Variants in UNC80 observed in about 807,000 individuals in gnomAD.
UNC80 encodes protein unc-80 homolog.
UNC80 carries 164 observed loss-of-function variants against 384.6 expected under a neutral mutation model. That is an observed-to-expected ratio of 0.43 (90% CI 0.38 to 0.49). The LOEUF is 0.49. Ranked by LOEUF, UNC80 falls within the 20% of genes least tolerant of loss-of-function variation. The pLI, the probability that UNC80 is intolerant of heterozygous loss-of-function variation, is 0.00. For missense variants in UNC80, 3,330 were observed against 4,143.0 expected (o/e 0.80, Z 5.39); for synonymous variants, 1,486 against 1,527.8 (o/e 0.97, Z 0.64).
intron 22 of UNC80, among the ~76,000 whole-genome samples, chr2:209,866,533 C>G (rs13382815): frequency 0.068 from 6,888 of 101,740 alleles, 309 homozygotes; most frequent in Non-Finnish European, 0.092. Context: ...CACACACACA[C>G]AGAGAGAGAG....
chr2:209,865,963 A>C (rs2083721445), intron 22 of UNC80, among the ~76,000 whole-genome samples: 1 of 152,162 alleles, frequency 6.6e-6, no homozygotes, highest in Non-Finnish European at 1.5e-5. Context: ...TTCTGGCTTA[A>C]TTGACAATCC....
chr2:209,789,783 T>C (rs2077678226), intron 6 of UNC80, among the ~76,000 whole-genome samples, 178 bp downstream of exon 6: 1 of 152,058 alleles, frequency 6.6e-6, no homozygotes. Context: ...ATTAATTTTC[T>C]GTATCTCCCC....
intron 37 of UNC80, among the ~76,000 whole-genome samples, chr2:209,930,336 G>T (rs1419308162): frequency 2.6e-5 from 4 of 152,082 alleles, no homozygotes; most frequent in Non-Finnish European, 4.4e-5. Context: ...CCAAAAACCT[G>T]ATTTGTCAGA....
Position 209,844,352 on chromosome 2 carries a change from TTTC to T in UNC80, c.3454+1912_3454+1914del, listed in dbSNP as rs1231715050. 2.0e-5 allele frequency among the ~76,000 whole-genome samples: 3 copies of T among 152,222 alleles called. No homozygotes were observed. In the East Asian group the frequency reaches 5.8e-4, roughly 29 times the overall value. ...TAGGGTCTCTCACATTTGGTGAATA[TTTC>T]TTCTTTTTTCAAAATTCCTTCCTTC... On this transcript the variant is annotated intron_variant, in intron 21 of 64. Transcript: ENST00000673920.
Position 209,941,320 on chromosome 2 carries a change from G to T in UNC80, c.6746G>T (p.Gly2249Val). 1 of 1,550,814 alleles carries T rather than the reference G, an allele frequency of 6.4e-7. No homozygotes were observed. Among genetic ancestry groups the T allele is most frequent in the Non-Finnish European group, 8.7e-7 (1 of 1,146,290 alleles). ...GGCATGCCGAGCGAGTTTCCATGGG[G>T]AGACGAAATCATGCTTTTCCTCAAC... is the stretch of plus-strand genomic sequence containing the variant. ...FLGMPSEFPW[G>V]DEIMLFLNVF... Residue 2249 changes from glycine to valine, a missense_variant, in exon 44 of 65, where the codon GGA becomes GTA. Physicochemically the swap from Gly to Val is moderately radical, Grantham distance 109 (BLOSUM62 -3). Coordinates refer to ENST00000673920, the MANE Select transcript of UNC80 (RefSeq NM_001371986.1).
At chr2:209,820,846 A>G (rs1368608257) in intron 13 of UNC80, among the ~76,000 whole-genome samples, 167 bp downstream of exon 13, 2 of 152,222 alleles carry the variant, frequency 1.3e-5, no homozygotes, top group South Asian at 4.1e-4. Context: ...ATTAGCAGAA[A>G]CAGTTGAATG....
At chr2:209,954,036 G>A (rs2092307457) in intron 47 of UNC80, 64 bp from the exon 48 acceptor site, 1 of 1,489,328 alleles carries the variant, frequency 6.7e-7, no homozygotes, top group South Asian at 1.4e-5. Context: ...ATGCTCTTAA[G>A]TGTGACACAA....
chr2:209,849,643 T>C lies in UNC80; in HGVS notation c.3627+20T>C. The stretch of plus-strand genomic sequence containing the variant: ...GATCTAGTAAGTTGGTGAAAGAATT[T>C]TCCCACCCTGCCCCCCATCCCAAGT... On this transcript the variant is annotated intron_variant, in intron 22 of 64. Transcript: ENST00000673920. The C allele has an allele frequency of 1.3e-6, 2 of 1,549,266 alleles. No homozygotes were observed. Among genetic ancestry groups the C allele is most frequent in the Middle Eastern group, 1.7e-4 (1 of 5,916 alleles).
At position 209,984,908 on chromosome 2, in the gene UNC80, T is replaced by A. The variant is rs1437602262; in HGVS notation, c.9310T>A (p.Ser3104Thr). The change falls in exon 61 of 65, where the codon TCT becomes ACT. Residue 3104 changes from serine (S) to threonine (T), a missense_variant. Around this residue, in one of 8 missense-constraint regions of UNC80, gnomAD observed 216 missense variants for 245.3 expected, o/e 0.88. Transcript: ENST00000673920. ...GGGCCTGGCCGCCGAGGGCAGCCTC[T>A]CTAGGTACAGTGTCAATGCTACCTG... ...SQGLAAEGSL[S>T]RVASIQSEPG... 1.9e-6 allele frequency: 3 copies of A among 1,551,028 alleles called. No homozygotes were observed. The highest frequency in any genetic ancestry group is 2.6e-6 in the Non-Finnish European group (3 of 1,146,728).
intron 22 of UNC80, among the ~76,000 whole-genome samples, chr2:209,849,968 T>C (rs944087436): frequency 1.3e-4 from 19 of 151,948 alleles, no homozygotes; most frequent in African/African-American, 4.6e-4. Flanking sequence ...AGATATTAGA[T>C]ATAAAGCCCT....
intron 22 of UNC80, among the ~76,000 whole-genome samples, chr2:209,851,165 T>C (rs777145159): frequency 2.8e-4 from 43 of 152,108 alleles, no homozygotes; most frequent in Non-Finnish European, 5.0e-4. Context: ...AAGAAATACC[T>C]ATTAAAATAG....
chr2:209,990,847 T>C lies in UNC80; in HGVS notation c.9315-1319T>C, dbSNP rs538201423. Among the ~76,000 whole-genome samples the C allele has an allele frequency of 7.2e-5, 11 of 152,344 alleles. No individual in the cohort carries two copies. In the East Asian group the frequency reaches 2.1e-3, roughly 29 times the overall value. On this transcript the variant is annotated intron_variant, in intron 61 of 64. Coordinates refer to ENST00000673920, the MANE Select transcript of UNC80 (RefSeq NM_001371986.1). Reference sequence around the variant, plus strand: ...AAAAAGCACCTGTTTTGGTACTCTTTATGAATTTCGTTATTGTGAACCCCA... The same window carrying C: ...AAAAAGCACCTGTTTTGGTACTCTTCATGAATTTCGTTATTGTGAACCCCA...
At chr2:209,945,738 A>G (rs1224061338) in intron 46 of UNC80, 109 bp from the exon 47 acceptor site, 3 of 647,780 alleles carry the variant, frequency 4.6e-6, no homozygotes, top group Non-Finnish European at 7.7e-6. Context: ...AAATTTAACA[A>G]GAAAAGGCTA....
At chr2:209,925,356 A>G (rs2090347335) in intron 35 of UNC80, among the ~76,000 whole-genome samples, 1 of 152,166 alleles carries the variant, frequency 6.6e-6, no homozygotes, top group Admixed American at 6.5e-5. Context: ...CGCTGACTTC[A>G]AGAATGAAGC....
intron 9 of UNC80, among the ~76,000 whole-genome samples, chr2:209,815,864 T>C (rs1031929790): frequency 6.6e-6 from 1 of 152,224 alleles, no homozygotes; most frequent in Non-Finnish European, 1.5e-5. Context: ...GTAGGTCTTC[T>C]AGTTAAATAC....
At chr2:209,881,153 G>C (rs1429434770) in intron 25 of UNC80, 59 bp downstream of exon 25, 1 of 1,500,652 alleles carries the variant, frequency 6.7e-7, no homozygotes, top group Non-Finnish European at 8.9e-7. Flanking sequence ...GCGTGTGTCT[G>C]GGTTTCCAAG....
chr2:209,902,143 CTT>C (rs2087490080), intron 28 of UNC80, among the ~76,000 whole-genome samples: 1 of 152,012 alleles, frequency 6.6e-6, no homozygotes, highest in South Asian at 2.1e-4. Context: ...TAATGGAAGA[CTT>C]TGAGGAATTC....
chr2:209,785,406 C>T (rs2077368487), intron 4 of UNC80, among the ~76,000 whole-genome samples: 2 of 152,120 alleles, frequency 1.3e-5, no homozygotes, highest in South Asian at 4.1e-4. Context: ...AAAGTCAGCC[C>T]TATTCAGCAA....
At chr2:209,852,144 G>A (rs1416428656) in intron 22 of UNC80, among the ~76,000 whole-genome samples, 1 of 152,038 alleles carries the variant, frequency 6.6e-6, no homozygotes. Context: ...TTTGCCACTA[G>A]ACTGGATCCA....
Sources: allele counts gnomAD v4.1 joint callset (sites outside exome capture counted in the v4.1 genomes callset), GRCh38; gene constraint gnomAD v4.1.1; regional missense constraint gnomAD v4.1.1; transcripts MANE v1.5; gene names NCBI Gene and HGNC (gene_info 2026-07-23, HGNC 2026-07-21).